CSMD3: variants seen among roughly 807,000 people sequenced by gnomAD.
CSMD3 encodes the protein CUB and Sushi multiple domains 3, also known as CUB and sushi domain-containing protein 3.
Under a neutral mutation model 435.2 loss-of-function variants are expected in CSMD3, and 177 were observed. The observed-to-expected ratio is 0.41, with a 90% CI of 0.36 to 0.46. The LOEUF (loss-of-function observed/expected upper bound fraction) is 0.46, where lower values mean the gene tolerates loss of function less well. Ranked by LOEUF, CSMD3 falls within the 20% of genes least tolerant of loss-of-function variation. The pLI is 0.34. For synonymous variants in CSMD3, 1,656 were observed against 1,520.5 expected (o/e 1.09, Z -2.07); for missense variants, 4,265 against 4,504.6 (o/e 0.95, Z 1.52).
intron 52 of CSMD3, among the ~76,000 whole-genome samples, chr8:112,302,607 CA>C (rs1307289131): frequency 3.3e-5 from 5 of 151,936 alleles, no homozygotes; most frequent in African/African-American, 1.2e-4. Context: ...GTCATTCTAG[CA>C]TAAAAACAAT....
intron 1 of CSMD3, among the ~76,000 whole-genome samples, chr8:113,417,106 AAAGT>A (rs1265156516): frequency 1.9e-4 from 29 of 152,188 alleles, no homozygotes; most frequent in Non-Finnish European, 3.1e-4. Flanking sequence ...GACAGATATC[AAAGT>A]AAGTAACAGG....
In CSMD3 at chr8:112,967,745, A is replaced by G. The variant is rs559799616; in HGVS notation, c.1342+8092T>C. ...TCTTCCTCACTTGAATATAAGTTCA[A>G]TAAAGCAGGGTCTACTAAGTTTTGT... On this transcript the variant is annotated intron_variant, in intron 7 of 70. Transcript: ENST00000297405. Among the ~76,000 whole-genome samples, 15 of 152,056 alleles carry G rather than the reference A, an allele frequency of 9.9e-5. No individual in the cohort carries two copies. The South Asian group carries it at 3.1e-3, about 31-fold the overall frequency.
At chr8:112,451,538 C>T (rs1289679956) in intron 32 of CSMD3, among the ~76,000 whole-genome samples, 1 of 151,282 alleles carries the variant, frequency 6.6e-6, no homozygotes, top group Non-Finnish European at 1.5e-5. Context: ...TACAAATAAT[C>T]TTCTCTTTTT....
intron 8 of CSMD3, 65 bp downstream of exon 8, chr8:112,954,619 A>G (rs867271944): frequency 9.9e-7 from 1 of 1,009,280 alleles, no homozygotes; most frequent in Middle Eastern, 2.0e-4. Context: ...ACACATACAA[A>G]CAACACAGAC....
At chr8:112,571,672 C>A (rs1311050238) in intron 24 of CSMD3, among the ~76,000 whole-genome samples, 1 of 151,650 alleles carries the variant, frequency 6.6e-6, no homozygotes, top group Admixed American at 6.6e-5. Context: ...AGTTCAACAC[C>A]AGACTGGCCA....
intron 32 of CSMD3, among the ~76,000 whole-genome samples, chr8:112,461,168 C>T (rs929483801): frequency 3.9e-5 from 6 of 152,022 alleles, no homozygotes; most frequent in African/African-American, 1.4e-4. Flanking sequence ...AATTAGAGAT[C>T]GTTATACTAT....
chr8:112,547,915 T>C (rs1016493212), intron 27 of CSMD3, among the ~76,000 whole-genome samples: 11 of 152,098 alleles, frequency 7.2e-5, no homozygotes, highest in Admixed American at 7.2e-4. Flanking sequence ...AATGAGTGAA[T>C]GAATTAGCGG....
intron 5 of CSMD3, among the ~76,000 whole-genome samples, chr8:113,043,094 A>G (rs1406714926): frequency 6.6e-6 from 1 of 152,234 alleles, no homozygotes; most frequent in Non-Finnish European, 1.5e-5. Flanking sequence ...TTGCAAATAT[A>G]GTATTCTTTC....
intron 5 of CSMD3, among the ~76,000 whole-genome samples, chr8:113,055,085 G>T: frequency 6.6e-6 from 1 of 151,908 alleles, no homozygotes; most frequent in East Asian, 1.9e-4. Context: ...TTATATTTCA[G>T]TTAGTTTATT....
At chr8:112,303,685 A>G (rs1821140874) in intron 52 of CSMD3, among the ~76,000 whole-genome samples, 1 of 152,176 alleles carries the variant, frequency 6.6e-6, no homozygotes, top group Non-Finnish European at 1.5e-5. Context: ...ATCTTGGAAC[A>G]CAGGGCAACC....
At chr8:112,557,963 G>A (rs991256500) in intron 24 of CSMD3, among the ~76,000 whole-genome samples, 1 of 151,878 alleles carries the variant, frequency 6.6e-6, no homozygotes, top group Non-Finnish European at 1.5e-5. Context: ...GTCGGATTGA[G>A]CCCCTAAACT....
intron 1 of CSMD3, among the ~76,000 whole-genome samples, chr8:113,400,027 C>T (rs993952339): frequency 2.0e-5 from 3 of 151,562 alleles, no homozygotes; most frequent in African/African-American, 7.3e-5. Flanking sequence ...TTATGAAAGG[C>T]AATGGTGACA....
At chr8:112,805,556 G>A (rs2079065200) in intron 12 of CSMD3, among the ~76,000 whole-genome samples, 1 of 152,176 alleles carries the variant, frequency 6.6e-6, no homozygotes, top group South Asian at 2.1e-4. Context: ...AGGAAAGAAG[G>A]TAAATGTGAT....
rs2130078365 is a variant in CSMD3 at position 112,408,999 on chromosome 8, G to C, written c.5429C>G (p.Ser1810Ter). The C allele has an allele frequency of 6.2e-7, 1 of 1,613,510 alleles. No individual in the cohort carries two copies. The highest frequency in any genetic ancestry group is 8.5e-7 in the Non-Finnish European group (1 of 1,179,686). The stretch of plus-strand genomic sequence containing the variant: ...ATACACCTCAACAACATCGTGGAGT[G>C]ATGTCTGGAAAAATACAAACTGGCC... ...VFGQFVFFQT[S>*]LHDVVEVYDG... is the part of the protein sequence containing the mutation. Residue 1810 changes from serine (S) to a stop codon, truncating the protein, a stop_gained, in exon 33 of 71, where the codon TCA becomes TGA. Transcript: ENST00000297405. LOFTEE classifies it high-confidence loss of function.
rs1303285945 is a variant in CSMD3, at chr8:112,549,256, A to G, written c.4564+1415T>C. Among the ~76,000 whole-genome samples, 8 of 152,206 alleles carry G rather than the reference A, an allele frequency of 5.3e-5. No homozygotes were observed. The East Asian group carries it at 1.5e-3, about 29-fold the overall frequency. ...ACAAATTGTTCCCACTTAAAAAAAT[A>G]AACAGTAGAGAGTAGAATATACAAA... is the stretch of plus-strand genomic sequence containing the variant. On this transcript the variant is annotated intron_variant, in intron 27 of 70. Coordinates refer to ENST00000297405, the MANE Select transcript of CSMD3 (RefSeq NM_198123.2).
At chr8:112,707,233 T>G (rs1480861100) in intron 13 of CSMD3, among the ~76,000 whole-genome samples, 1 of 152,090 alleles carries the variant, frequency 6.6e-6, no homozygotes, top group Non-Finnish European at 1.5e-5. Flanking sequence ...AATATAATTT[T>G]GTATATCTAT....
At chr8:112,272,410 T>C (rs1817606361) in intron 59 of CSMD3, among the ~76,000 whole-genome samples, 1 of 152,288 alleles carries the variant, frequency 6.6e-6, no homozygotes. Context: ...CCATAAAATT[T>C]ATATAGTCTG....
intron 12 of CSMD3, among the ~76,000 whole-genome samples, chr8:112,809,749 C>G (rs950362861): frequency 2.0e-5 from 3 of 152,082 alleles, no homozygotes; most frequent in African/African-American, 7.2e-5. Flanking sequence ...TTCTTTCTGA[C>G]TACAGGTTCC....
chr8:112,411,360 G>A (rs1045270518), intron 32 of CSMD3, among the ~76,000 whole-genome samples: 4 of 151,958 alleles, frequency 2.6e-5, no homozygotes, highest in Non-Finnish European at 5.9e-5. Flanking sequence ...GGAGAGTTGA[G>A]AAAGCTAGGA....
Sources: gnomAD v4.1 joint callset for allele counts (sites outside exome capture counted in the v4.1 genomes callset) on GRCh38, gnomAD v4.1.1 for gene constraint, MANE v1.5 for transcripts, NCBI Gene and HGNC (gene_info 2026-07-23, HGNC 2026-07-21) for gene names.